TFDP2: variants seen among roughly 807,000 people sequenced by gnomAD.
The protein encoded by TFDP2 is transcription factor Dp-2 (E2F dimerization partner 2).
In TFDP2, 17 loss-of-function variants were observed where a neutral mutation model predicts 59.3. The ratio of observed to expected loss-of-function variants is 0.29; its 90% CI spans 0.20 to 0.43. TFDP2 has a LOEUF of 0.43. Ranked by LOEUF, TFDP2 falls within the 20% of genes least tolerant of loss-of-function variation. The pLI, the probability that TFDP2 is intolerant of heterozygous loss-of-function variation, is 1.00. For synonymous variants in TFDP2, 180 were observed against 194.7 expected (o/e 0.92, Z 0.63); for missense variants, 391 against 528.8 (o/e 0.74, Z 2.56).
intron 3 of TFDP2, among the ~76,000 whole-genome samples, chr3:142,054,689 C>G (rs1384925830): frequency 6.6e-6 from 1 of 151,902 alleles, no homozygotes; most frequent in Non-Finnish European, 1.5e-5. Flanking sequence ...CAAATCCCAG[C>G]TGATTTGTGA....
At chr3:142,000,149 T>C in intron 4 of TFDP2, 2 of 578,950 alleles carry the variant, frequency 3.5e-6, no homozygotes, top group East Asian at 2.9e-5. Context: ...CAGGCTACCA[T>C]AACAAACCAC....
intron 3 of TFDP2, among the ~76,000 whole-genome samples, chr3:142,048,774 C>A (rs1947471063): frequency 6.6e-6 from 1 of 152,122 alleles, no homozygotes; most frequent in African/African-American, 2.4e-5. Flanking sequence ...CTATGTTGCT[C>A]AGGCTGGTCT....
At chr3:142,037,205 T>C (rs1488700924) in intron 3 of TFDP2, among the ~76,000 whole-genome samples, 1 of 152,236 alleles carries the variant, frequency 6.6e-6, no homozygotes, top group African/African-American at 2.4e-5. Context: ...ACATATTTGC[T>C]GACTGTTTAC....
intron 3 of TFDP2, among the ~76,000 whole-genome samples, chr3:142,053,211 T>C (rs528596600): frequency 1.4e-4 from 22 of 152,172 alleles, no homozygotes; most frequent in Non-Finnish European, 2.9e-4. Flanking sequence ...CCAAATCTCA[T>C]GCTGAAATGT....
chr3:142,128,642 C>T (rs1280283062), intron 1 of TFDP2, among the ~76,000 whole-genome samples: 2 of 147,396 alleles, frequency 1.4e-5, no homozygotes, highest in Admixed American at 1.4e-4. Context: ...ACCAAATTAA[C>T]AGACAAAATA....
intron 9 of TFDP2, among the ~76,000 whole-genome samples, chr3:141,969,173 T>C (rs1234317458): frequency 9.8e-6 from 1 of 101,736 alleles, no homozygotes; most frequent in Non-Finnish European, 1.8e-5. Context: ...AACATATATA[T>C]ATATCTCATA....
intron 3 of TFDP2, among the ~76,000 whole-genome samples, chr3:142,078,957 A>C (rs532005100): frequency 1.2e-4 from 18 of 152,164 alleles, no homozygotes; most frequent in Non-Finnish European, 2.2e-4. Context: ...GAAAGATTGA[A>C]ATAACTAAAA....
intron 3 of TFDP2, among the ~76,000 whole-genome samples, chr3:142,054,929 G>A (rs1411987674): frequency 6.6e-6 from 1 of 152,146 alleles, no homozygotes; most frequent in Non-Finnish European, 1.5e-5. Flanking sequence ...GAGACGTGAA[G>A]GGCCAAAAGT....
In TFDP2 at chr3:141,953,007, G is replaced by A; in HGVS notation, c.1061C>T (p.Thr354Ile). The change falls in exon 12 of 13, where the codon ACA becomes ATA. Residue 354 changes from threonine to isoleucine, a missense_variant. Physicochemically the swap from Thr to Ile is moderately conservative, Grantham distance 89. Transcript: ENST00000489671. ...ALEGYITDIS[T>I]GPSWLNQGLL... ...TCCCTGATTTAACCAAGAAGGTCCT[G>A]TGGAGATATCTAAAGGAAAAAATGA... is the stretch of plus-strand genomic sequence containing the variant. The A allele has an allele frequency of 6.2e-7, 1 of 1,613,022 alleles. No individual in the cohort carries two copies. The highest frequency in any genetic ancestry group is 1.7e-4 in the Middle Eastern group (1 of 6,058).
intron 8 of TFDP2, among the ~76,000 whole-genome samples, chr3:141,973,107 ATATATATATATATATAT>A (rs961588850): frequency 1.9e-5 from 2 of 107,890 alleles, no homozygotes; most frequent in African/African-American, 3.8e-5. Flanking sequence ...ATATATATAT[ATATATATATATATATAT>A]TTTTTTTTTT....
At chr3:142,095,775 TCTTCTG>T (rs1346751183) in intron 2 of TFDP2, among the ~76,000 whole-genome samples, 2 of 152,222 alleles carry the variant, frequency 1.3e-5, no homozygotes, top group African/African-American at 2.4e-5. Flanking sequence ...CTTTTTAAAC[TCTTCTG>T]CTATAGGAAG....
At position 142,026,120 on chromosome 3, in the gene TFDP2, C is replaced by T. The variant is rs6803712; in HGVS notation, c.83-20576G>A. Among the ~76,000 whole-genome samples, 1,224 of 152,184 alleles carry T rather than the reference C, an allele frequency of 8.0e-3. 18 individuals carry two copies. Among genetic ancestry groups the T allele is most frequent in the African/African-American group, 0.027 (1,137 of 41,504 alleles). ...AGGTCGGGAGATCGAGACCATCAGG[C>T]CGAGGTGGGCAGATCACGAGGTCAG... On this transcript the variant is annotated intron_variant, in intron 3 of 12. Coordinates refer to ENST00000489671, the MANE Select transcript of TFDP2 (RefSeq NM_001178139.2).
chr3:142,065,257 A>G (rs1282215704), intron 3 of TFDP2, among the ~76,000 whole-genome samples: 3 of 149,672 alleles, frequency 2.0e-5, no homozygotes, highest in African/African-American at 7.4e-5. Context: ...TCAAGCAATC[A>G]TCCCAGTTCA....
chr3:142,038,084 T>C (rs903089047), intron 3 of TFDP2, among the ~76,000 whole-genome samples: 1 of 152,028 alleles, frequency 6.6e-6, no homozygotes, highest in Non-Finnish European at 1.5e-5. Context: ...CAGAAGTAGA[T>C]ATAAAGAAGA....
chr3:141,959,592 C>T, intron 11 of TFDP2, 82 bp downstream of exon 11: 1 of 1,524,374 alleles, frequency 6.6e-7, no homozygotes, highest in Middle Eastern at 1.8e-4. Flanking sequence ...TAAAATTTTG[C>T]AATTTTCTAT....
At chr3:141,985,762 GTTAA>G (rs1942035123) in intron 6 of TFDP2, among the ~76,000 whole-genome samples, 1 of 151,964 alleles carries the variant, frequency 6.6e-6, no homozygotes, top group Admixed American at 6.6e-5. Context: ...AAAAAAATAA[GTTAA>G]TTAAACATCA....
chr3:142,110,631 C>T (rs530660456), intron 1 of TFDP2, among the ~76,000 whole-genome samples: 30 of 152,128 alleles, frequency 2.0e-4, no homozygotes, highest in Non-Finnish European at 3.8e-4. Context: ...TGATAGCCAG[C>T]TACCCGTCAA....
chr3:142,025,058 T>C (rs1022527815), intron 3 of TFDP2, among the ~76,000 whole-genome samples: 1 of 151,978 alleles, frequency 6.6e-6, no homozygotes, highest in African/African-American at 2.4e-5. Context: ...AATATTTAAA[T>C]TGATTATGAC....
At chr3:142,018,703 C>T (rs1190446416) in intron 3 of TFDP2, among the ~76,000 whole-genome samples, 2 of 152,134 alleles carry the variant, frequency 1.3e-5, no homozygotes, top group Admixed American at 6.5e-5. Context: ...CCTCGGCCTC[C>T]CAAAGTGGGA....
Sources: allele counts gnomAD v4.1 joint callset (sites outside exome capture counted in the v4.1 genomes callset), GRCh38; gene constraint gnomAD v4.1.1; transcripts MANE v1.5; gene names NCBI Gene and HGNC (gene_info 2026-07-23, HGNC 2026-07-21).